ADARB2: variants seen among roughly 807,000 people sequenced by gnomAD.
The protein encoded by ADARB2 is adenosine deaminase RNA specific B2 (inactive).
In ADARB2, 25 loss-of-function variants were observed where a neutral mutation model predicts 62.2. The observed-to-expected ratio is 0.40, with a 90% CI of 0.29 to 0.56. The LOEUF is 0.56. ADARB2 is among the 20% of genes least tolerant of loss of function. The pLI, the probability that ADARB2 is intolerant of heterozygous loss-of-function variation, is 0.43. For missense variants in ADARB2, 1,071 were observed against 1,077.4 expected (o/e 0.99, Z 0.08); for synonymous variants, 572 against 500.8 (o/e 1.14, Z -1.90).
chr10:1,496,834 C>T (rs1831698859), intron 1 of ADARB2, among the ~76,000 whole-genome samples: 1 of 152,198 alleles, frequency 6.6e-6, no homozygotes, highest in Non-Finnish European at 1.5e-5. Flanking sequence ...TGTAACTTAA[C>T]TTTCCTCATA....
At chr10:1,595,219 A>C (rs557111956) in intron 1 of ADARB2, among the ~76,000 whole-genome samples, 8 of 152,234 alleles carry the variant, frequency 5.3e-5, no homozygotes, top group Non-Finnish European at 1.2e-4. Context: ...GCACAGAAAA[A>C]GATAAAAACT....
At chr10:1,400,312 A>G (rs1356587441) in intron 1 of ADARB2, among the ~76,000 whole-genome samples, 1 of 152,156 alleles carries the variant, frequency 6.6e-6, no homozygotes, top group Non-Finnish European at 1.5e-5. Context: ...TTTACCATAA[A>G]AGGCGCATTT....
chr10:1,689,954 T>A (rs1834647579), intron 1 of ADARB2, among the ~76,000 whole-genome samples: 2 of 152,206 alleles, frequency 1.3e-5, no homozygotes, highest in Non-Finnish European at 2.9e-5. Context: ...AAACAATGAT[T>A]TCAGAAAGAA....
At chr10:1,544,293 C>T (rs986118850) in intron 1 of ADARB2, among the ~76,000 whole-genome samples, 1 of 152,208 alleles carries the variant, frequency 6.6e-6, no homozygotes, top group African/African-American at 2.4e-5. Context: ...CACAGCCCCT[C>T]CCGTTGGTCA....
chr10:1,408,634 C>T (rs969972670), intron 1 of ADARB2, among the ~76,000 whole-genome samples: 1 of 152,120 alleles, frequency 6.6e-6, no homozygotes, highest in South Asian at 2.1e-4. Context: ...TGCTGCCCGT[C>T]GGAAACCAGA....
intron 1 of ADARB2, among the ~76,000 whole-genome samples, chr10:1,430,006 C>A (rs541401537): frequency 1.1e-4 from 16 of 152,224 alleles, no homozygotes; most frequent in Middle Eastern, 3.4e-3. Flanking sequence ...ATGGAAAGAA[C>A]AACATTGAAA....
chr10:1,630,271 G>T (rs371355305), intron 1 of ADARB2, among the ~76,000 whole-genome samples: 107 of 152,258 alleles, frequency 7.0e-4, no homozygotes, highest in African/African-American at 2.5e-3. Flanking sequence ...TTATGTTCTC[G>T]TGAGGATGGG....
At chr10:1,707,873 A>G (rs982932876) in intron 1 of ADARB2, among the ~76,000 whole-genome samples, 1 of 152,222 alleles carries the variant, frequency 6.6e-6, no homozygotes, top group East Asian at 1.9e-4. Context: ...CGGTCCACAC[A>G]CAGCAGAGTC....
chr10:1,234,509 C>T (rs995560332), intron 5 of ADARB2, among the ~76,000 whole-genome samples: 4 of 151,938 alleles, frequency 2.6e-5, no homozygotes, highest in Non-Finnish European at 2.9e-5. Context: ...AGCGTGATCA[C>T]GGCTCACTGT....
chr10:1,251,992 T>C (rs1444646405), intron 4 of ADARB2, among the ~76,000 whole-genome samples: 1 of 152,206 alleles, frequency 6.6e-6, no homozygotes, highest in African/African-American at 2.4e-5. Flanking sequence ...TTCTGTTGTT[T>C]ATAAATGGCT....
intron 1 of ADARB2, among the ~76,000 whole-genome samples, chr10:1,629,437 G>A (rs1473512690): frequency 1.3e-5 from 2 of 151,970 alleles, no homozygotes; most frequent in African/African-American, 4.8e-5. Flanking sequence ...CTCCCATGGA[G>A]CTAAAGCCTC....
At chr10:1,301,196 G>A (rs952917348) in intron 3 of ADARB2, among the ~76,000 whole-genome samples, 8 of 152,190 alleles carry the variant, frequency 5.3e-5, no homozygotes, top group African/African-American at 1.9e-4. Flanking sequence ...GGTCCACACG[G>A]TTATGGACTC....
rs571814549 is a variant in ADARB2, at chr10:1,532,357, C to T, written c.101-153197G>A. Among the ~76,000 whole-genome samples the T allele has an allele frequency of 4.6e-5, 7 of 152,316 alleles. No individual in the cohort carries two copies. In the East Asian group the frequency reaches 1.2e-3, roughly 25 times the overall value. ...GCTGTTGACCCTCATCATCTGAAAGCGTGGGAACCAACTTTCCCCCGTGAT... is the reference window on the plus strand; with the variant it reads ...GCTGTTGACCCTCATCATCTGAAAGTGTGGGAACCAACTTTCCCCCGTGAT... On this transcript the variant is annotated intron_variant, in intron 1 of 9. Transcript: ENST00000381312.
chr10:1,705,730 G>A (rs776400171), intron 1 of ADARB2, among the ~76,000 whole-genome samples: 206 of 152,296 alleles, frequency 1.4e-3, no homozygotes, highest in Middle Eastern at 3.4e-3. Context: ...AGAAGCGTGT[G>A]AGGCCTCTCA....
At chr10:1,518,276 C>T (rs914215835) in intron 1 of ADARB2, among the ~76,000 whole-genome samples, 8 of 152,210 alleles carry the variant, frequency 5.3e-5, no homozygotes, top group East Asian at 1.9e-4. Context: ...CACTCTACCA[C>T]GTTCTCATGC....
chr10:1,374,468 C>T (rs1832403911), intron 2 of ADARB2, among the ~76,000 whole-genome samples: 1 of 152,188 alleles, frequency 6.6e-6, no homozygotes, highest in African/African-American at 2.4e-5. Context: ...GAAAGGCCAA[C>T]GCTTTATATT....
At chr10:1,643,013 TG>T (rs1833998182) in intron 1 of ADARB2, among the ~76,000 whole-genome samples, 1 of 152,228 alleles carries the variant, frequency 6.6e-6, no homozygotes, top group Non-Finnish European at 1.5e-5. Context: ...CCAAGAGGCC[TG>T]GGTGTTTATT....
At position 1,183,252 on chromosome 10, in the gene ADARB2, C is replaced by T. The variant is rs945778108; in HGVS notation, c.2161G>A (p.Gly721Ser). Residue 721 changes from glycine (G) to serine (S), a missense_variant, in exon 10 of 10, where the codon GGC (glycine) becomes AGC (serine). By Grantham distance (56) the Gly-to-Ser change is moderately conservative (BLOSUM62 0). Transcript: ENST00000381312. ...QQLFKAFQKA[G>S]LGTWVRKPPE... ...GGTTTCCTCACCCAGGTGCCCAGGC[C>T]AGCCTTCTGAAAGGCCTTGAACAGC... 6.2e-7 allele frequency: 1 copy of T among 1,614,100 alleles called. No homozygotes were observed. The highest frequency in any genetic ancestry group is 8.5e-7 in the Non-Finnish European group (1 of 1,180,034).
rs1832009565 is a variant in ADARB2 at position 1,516,394 on chromosome 10, C to G, written c.101-137234G>C. 3.3e-5 allele frequency among the ~76,000 whole-genome samples: 5 copies of G among 152,208 alleles called. No individual in the cohort carries two copies. The South Asian group carries it at 1.0e-3, about 31-fold the overall frequency. On this transcript the variant is annotated intron_variant, in intron 1 of 9. Coordinates refer to ENST00000381312, the MANE Select transcript of ADARB2 (RefSeq NM_018702.4). ...CGAGGTGCAGCTGGATTCAGAGCTT[C>G]CCACCTGCTTGTGACCAGCGTGCAT...
Sources: allele counts gnomAD v4.1 joint callset (sites outside exome capture counted in the v4.1 genomes callset), GRCh38; gene constraint gnomAD v4.1.1; transcripts MANE v1.5; gene names NCBI Gene and HGNC (gene_info 2026-07-23, HGNC 2026-07-21).